PAX5: variants seen among roughly 807,000 people sequenced by gnomAD.
PAX5 encodes paired box protein Pax-5.
Under a neutral mutation model 43.7 loss-of-function variants are expected in PAX5, and 9 were observed. That is an observed-to-expected ratio of 0.21 (90% CI 0.12 to 0.36). The LOEUF (loss-of-function observed/expected upper bound fraction) is 0.36. Ranked by LOEUF, PAX5 falls within the 10% of genes least tolerant of loss-of-function variation. PAX5 has a pLI of 1.00. For missense variants in PAX5, 383 were observed against 532.7 expected, an observed-to-expected ratio of 0.72 and a Z score of 2.77; for synonymous variants, 228 against 214.3, an observed-to-expected ratio of 1.06 and a Z score of -0.56.
Position 36,837,677 on chromosome 9 carries a change from T to C in PAX5, c.*2883A>G, listed in dbSNP as rs1821736056. The C allele has an allele frequency of 8.6e-6, 2 of 233,346 alleles. No individual in the cohort carries two copies. Among genetic ancestry groups the C allele is most frequent in the South Asian group, 3.6e-4 (2 of 5,532 alleles). The allele number at this position is 233,346 out of a possible 1,614,324, so 14.5% of individuals were successfully genotyped here. A position where few individuals can be genotyped will look rare whatever the true frequency, so the allele number is the denominator to read the frequency against. On this transcript the variant is annotated 3_prime_UTR_variant, in exon 10 of 10. Coordinates refer to ENST00000358127, the MANE Select transcript of PAX5 (RefSeq NM_016734.3). ...GTGAGAACATCCGTGTGCATCCATGTGCGCTTGTGCTTCCGCCTGGCAGCC... is the reference window on the plus strand; with the variant it reads ...GTGAGAACATCCGTGTGCATCCATGCGCGCTTGTGCTTCCGCCTGGCAGCC...
intron 7 of PAX5, among the ~76,000 whole-genome samples, chr9:36,918,545 C>A (rs1051913073): frequency 1.3e-5 from 2 of 152,098 alleles, no homozygotes; most frequent in African/African-American, 4.8e-5. Flanking sequence ...CGCCTGTAGT[C>A]CCTGCTACTC....
At chr9:36,925,375 AG>A (rs1159081671) in intron 6 of PAX5, among the ~76,000 whole-genome samples, 3 of 152,166 alleles carry the variant, frequency 2.0e-5, no homozygotes, top group Non-Finnish European at 1.5e-5. Context: ...GAACAAGGCC[AG>A]GGGGACAGGC....
At chr9:37,032,703 C>A (rs771001079) in intron 1 of PAX5, among the ~76,000 whole-genome samples, 3 of 152,196 alleles carry the variant, frequency 2.0e-5, no homozygotes, top group Non-Finnish European at 4.4e-5. Flanking sequence ...TTGCCAGGGC[C>A]AAGAGAGTGT....
chr9:36,870,754 A>T (rs1308771744), intron 8 of PAX5, among the ~76,000 whole-genome samples: 20 of 152,192 alleles, frequency 1.3e-4, no homozygotes. Flanking sequence ...CTTGGCTGGG[A>T]CACCAACCTC....
At chr9:36,930,861 G>C (rs1034448297) in intron 6 of PAX5, 1 of 1,307,820 alleles carries the variant, frequency 7.6e-7, no homozygotes, top group East Asian at 4.5e-5. Flanking sequence ...TGTGCACTGG[G>C]CATCATTTGG....
intron 5 of PAX5, among the ~76,000 whole-genome samples, chr9:36,968,938 C>A (rs148983313): frequency 2.6e-5 from 4 of 152,188 alleles, no homozygotes; most frequent in African/African-American, 9.7e-5. Context: ...CACATGCACA[C>A]GCACACGCAC....
chr9:36,911,041 C>A (rs937202679), intron 7 of PAX5, among the ~76,000 whole-genome samples: 1 of 152,234 alleles, frequency 6.6e-6, no homozygotes, highest in Admixed American at 6.5e-5. Flanking sequence ...ACATTTAGAT[C>A]TCAGATCAAA....
intron 5 of PAX5, among the ~76,000 whole-genome samples, chr9:36,993,268 T>G (rs1837087815): frequency 6.6e-6 from 1 of 152,256 alleles, no homozygotes; most frequent in African/African-American, 2.4e-5. Flanking sequence ...TCAAAAATAT[T>G]ATTTATGTTA....
At position 37,015,893 on chromosome 9, in the gene PAX5, A is replaced by G. The variant is rs1839346296; in HGVS notation, c.213-699T>C. Among the ~76,000 whole-genome samples, 1 of 152,154 alleles carries G rather than the reference A, an allele frequency of 6.6e-6. No homozygotes were observed. Among genetic ancestry groups the G allele is most frequent in the Non-Finnish European group, 1.5e-5 (1 of 68,014 alleles). On this transcript the variant is annotated intron_variant, in intron 2 of 9. Transcript: ENST00000358127. This position sits in a 1 kb window ranked among gnomAD's most constrained non-coding sequence, Gnocchi z 4.4. ...CCACGCCCGGCCAGTCTCTCATTGTATTTCTATTGGACAGCACTGGCTAAG... is the reference window on the plus strand; with the variant it reads ...CCACGCCCGGCCAGTCTCTCATTGTGTTTCTATTGGACAGCACTGGCTAAG...
intron 7 of PAX5, among the ~76,000 whole-genome samples, chr9:36,897,522 AAAAC>A (rs1434183867): frequency 2.0e-5 from 3 of 151,988 alleles, no homozygotes; most frequent in Non-Finnish European, 2.9e-5. Flanking sequence ...AAGCAAGAAA[AAAAC>A]AAAACCTTAA....
chr9:37,027,671 C>G (rs1477626276), intron 1 of PAX5, among the ~76,000 whole-genome samples: 2 of 152,198 alleles, frequency 1.3e-5, no homozygotes, highest in African/African-American at 4.8e-5. Context: ...CCGCGCCGCC[C>G]CGGAGCCGCT....
intron 1 of PAX5, among the ~76,000 whole-genome samples, chr9:37,029,476 G>A (rs1588280047): frequency 6.6e-6 from 1 of 152,310 alleles, no homozygotes; most frequent in Admixed American, 6.5e-5. Context: ...GTGGAGTGGC[G>A]GCGTTATCTC....
intron 7 of PAX5, among the ~76,000 whole-genome samples, chr9:36,915,500 G>A (rs58925988): frequency 6.6e-6 from 1 of 152,086 alleles, no homozygotes; most frequent in East Asian, 1.9e-4. Flanking sequence ...CCAATGAAAA[G>A]ATGTTCAGGT....
chr9:36,884,417 G>T (rs1826741917), intron 7 of PAX5, among the ~76,000 whole-genome samples: 1 of 152,046 alleles, frequency 6.6e-6, no homozygotes, highest in Non-Finnish European at 1.5e-5. Context: ...TATAGAAAAG[G>T]CATTGGCTAA....
chr9:36,919,649 T>C (rs1054393585), intron 7 of PAX5, among the ~76,000 whole-genome samples: 8 of 152,086 alleles, frequency 5.3e-5, no homozygotes, highest in African/African-American at 1.9e-4. Context: ...AAGACCATCC[T>C]GGTCAAGATG....
chr9:37,019,197 T>A (rs1230925222), intron 2 of PAX5, among the ~76,000 whole-genome samples: 1 of 152,182 alleles, frequency 6.6e-6, no homozygotes, highest in East Asian at 1.9e-4. Flanking sequence ...AAAATCACTC[T>A]CTTTTCTCTT....
intron 7 of PAX5, among the ~76,000 whole-genome samples, chr9:36,894,001 T>C (rs537033072): frequency 6.6e-6 from 1 of 152,310 alleles, no homozygotes; most frequent in East Asian, 1.9e-4. Flanking sequence ...AGTGGCTCCC[T>C]GGAGAGCCCT....
intron 5 of PAX5, among the ~76,000 whole-genome samples, chr9:36,990,164 C>T (rs1836801522): frequency 6.6e-6 from 1 of 152,144 alleles, no homozygotes; most frequent in African/African-American, 2.4e-5. Context: ...CTTTATTGAG[C>T]ACTTATTATA....
intron 6 of PAX5, among the ~76,000 whole-genome samples, chr9:36,943,042 T>C (rs1321880196): frequency 6.6e-6 from 1 of 152,220 alleles, no homozygotes; most frequent in Non-Finnish European, 1.5e-5. Context: ...TGCTATGTCC[T>C]TGTGCTTACC....
Sources: gnomAD v4.1 joint callset for allele counts (sites outside exome capture counted in the v4.1 genomes callset) on GRCh38, gnomAD v4.1.1 for gene constraint, Gnocchi (gnomAD v3.1) non-coding constraint, MANE v1.5 for transcripts, NCBI Gene and HGNC (gene_info 2026-07-23, HGNC 2026-07-21) for gene names.